The following CNTN5 variants were observed in gnomAD, a reference collection of about 807,000 sequenced individuals.
CNTN5 encodes contactin 5.
CNTN5 carries 77 observed loss-of-function variants against 129.1 expected under a neutral mutation model. The observed-to-expected ratio is 0.60, with a 90% CI of 0.50 to 0.72. CNTN5 has a LOEUF of 0.72. Among genes scored for constraint, CNTN5 ranks in the 30% least tolerant of loss-of-function variants. The pLI, the probability that CNTN5 is intolerant of heterozygous loss-of-function variation, is 0.00. For missense variants in CNTN5, 1,478 were observed against 1,328.8 expected, an observed-to-expected ratio of 1.11 and a Z score of -1.75; for synonymous variants, 509 against 465.6, an observed-to-expected ratio of 1.09 and a Z score of -1.20.
intron 9 of CNTN5, among the ~76,000 whole-genome samples, chr11:100,038,672 T>C (rs1180209968): frequency 2.0e-5 from 3 of 152,046 alleles, no homozygotes; most frequent in Admixed American, 6.5e-5. Context: ...TGCATATATA[T>C]TTAGGATAGT....
At chr11:99,532,051 C>T (rs960113440) in intron 2 of CNTN5, among the ~76,000 whole-genome samples, 3 of 152,014 alleles carry the variant, frequency 2.0e-5, no homozygotes, top group Non-Finnish European at 4.4e-5. Context: ...ACAGCTTGCC[C>T]CGTGTGCCTG....
At chr11:99,299,241 T>A (rs1399855747) in intron 1 of CNTN5, among the ~76,000 whole-genome samples, 2 of 152,094 alleles carry the variant, frequency 1.3e-5, no homozygotes, top group African/African-American at 4.8e-5. Flanking sequence ...AGACTTTAAA[T>A]CAGCTGTACT....
chr11:100,199,336 T>C (rs1948720691), intron 15 of CNTN5, among the ~76,000 whole-genome samples: 1 of 151,890 alleles, frequency 6.6e-6, no homozygotes, highest in African/African-American at 2.4e-5. Context: ...GGGCCTATCC[T>C]TTCTCATCAG....
chr11:100,152,594 T>C (rs1947104379), intron 13 of CNTN5, among the ~76,000 whole-genome samples: 2 of 152,140 alleles, frequency 1.3e-5, no homozygotes, highest in Non-Finnish European at 2.9e-5. Context: ...TGAAAATAAT[T>C]GACTTCTTAT....
intron 1 of CNTN5, among the ~76,000 whole-genome samples, chr11:99,037,481 A>G (rs779964965): frequency 6.6e-6 from 1 of 151,588 alleles, no homozygotes; most frequent in Non-Finnish European, 1.5e-5. Flanking sequence ...TACTACCAAA[A>G]CCTATCATTA....
chr11:99,446,018 A>C (rs919288615), intron 2 of CNTN5, among the ~76,000 whole-genome samples: 3 of 148,122 alleles, frequency 2.0e-5, no homozygotes, highest in African/African-American at 5.0e-5. Context: ...TAGGAGGCGG[A>C]GGTTGCAGTG....
At chr11:99,748,992 G>C (rs1944147563) in intron 3 of CNTN5, among the ~76,000 whole-genome samples, 1 of 152,104 alleles carries the variant, frequency 6.6e-6, no homozygotes, top group African/African-American at 2.4e-5. Flanking sequence ...GGTTTCTTCA[G>C]ATTTTCCATT....
At chr11:100,190,783 C>T (rs1224300660) in intron 13 of CNTN5, among the ~76,000 whole-genome samples, 2 of 150,518 alleles carry the variant, frequency 1.3e-5, no homozygotes, top group African/African-American at 4.9e-5. Flanking sequence ...AGGTGAAATA[C>T]TCAAGCTTAA....
At chr11:99,785,203 T>A (rs1259607408) in intron 3 of CNTN5, among the ~76,000 whole-genome samples, 2 of 152,168 alleles carry the variant, frequency 1.3e-5, no homozygotes, top group Non-Finnish European at 2.9e-5. Context: ...ATAAATGTCT[T>A]CTTTTGAGAA....
At chr11:100,280,531 AAT>A (rs1484628052) in intron 18 of CNTN5, among the ~76,000 whole-genome samples, 1 of 151,976 alleles carries the variant, frequency 6.6e-6, no homozygotes, top group Non-Finnish European at 1.5e-5. Context: ...ACTGGCATGA[AAT>A]ATGTTTTTCT....
At chr11:99,416,537 T>A (rs973176166) in intron 2 of CNTN5, among the ~76,000 whole-genome samples, 1 of 152,130 alleles carries the variant, frequency 6.6e-6, no homozygotes, top group African/African-American at 2.4e-5. Context: ...ACCTCCTGCT[T>A]AATCTCCCAA....
chr11:99,421,146 T>C (rs1284888029), intron 2 of CNTN5, among the ~76,000 whole-genome samples: 1 of 151,670 alleles, frequency 6.6e-6, no homozygotes, highest in Non-Finnish European at 1.5e-5. Context: ...GTTTTTTTTT[T>C]TTTTCCGCCT....
At chr11:100,317,918 A>G (rs1349221403) in intron 21 of CNTN5, among the ~76,000 whole-genome samples, 2 of 152,154 alleles carry the variant, frequency 1.3e-5, no homozygotes, top group Admixed American at 1.3e-4. Flanking sequence ...GGAACCAAAA[A>G]AGTATTGATG....
rs556136751 is a variant in CNTN5, at chr11:99,293,380, C to CT, written c.-209-31965dup. Among the ~76,000 whole-genome samples the CT allele has an allele frequency of 1.6e-4, 24 of 152,174 alleles. 1 individual carries two copies. The South Asian group carries it at 5.0e-3, about 32-fold the overall frequency. On this transcript the variant is annotated intron_variant, in intron 1 of 24. Transcript: ENST00000524871. ...ATCTATCTTCGTCAGGGATATTGGCCTGCAGTTTTCTTTTTTTGTTGTGCC... is the reference window on the plus strand; with the variant it reads ...ATCTATCTTCGTCAGGGATATTGGCCTTGCAGTTTTCTTTTTTTGTTGTGCC...
intron 8 of CNTN5, among the ~76,000 whole-genome samples, chr11:99,975,955 C>G (rs954689977): frequency 1.3e-5 from 2 of 152,156 alleles, no homozygotes; most frequent in African/African-American, 4.8e-5. Flanking sequence ...AAGGCACGTC[C>G]TTTCCACCTA....
chr11:99,982,175 A>G (rs1240509197), intron 8 of CNTN5, among the ~76,000 whole-genome samples: 1 of 152,216 alleles, frequency 6.6e-6, no homozygotes, highest in Admixed American at 6.5e-5. Context: ...GACTAAAGCT[A>G]TTTAGAAGAT....
chr11:99,439,569 G>A (rs113022964), intron 2 of CNTN5, among the ~76,000 whole-genome samples: 3 of 151,536 alleles, frequency 2.0e-5, no homozygotes, highest in East Asian at 1.9e-4. Context: ...TTAGCCTGGC[G>A]TGGTGGTGTG....
At chr11:99,531,830 G>GA (rs777581722) in intron 2 of CNTN5, among the ~76,000 whole-genome samples, 4 of 152,228 alleles carry the variant, frequency 2.6e-5, no homozygotes, top group Non-Finnish European at 5.9e-5. Flanking sequence ...GATTTCAGAA[G>GA]ATGTACAGAA....
chr11:100,178,296 C>A (rs73560688), intron 13 of CNTN5, among the ~76,000 whole-genome samples: 3,940 of 152,196 alleles, frequency 0.026, 167 homozygotes, highest in African/African-American at 0.09. Context: ...ACATACCATG[C>A]TCACTTTTGA....
Sources: gnomAD v4.1 joint callset for allele counts (sites outside exome capture counted in the v4.1 genomes callset) on GRCh38, gnomAD v4.1.1 for gene constraint, MANE v1.5 for transcripts, NCBI Gene and HGNC (gene_info 2026-07-23, HGNC 2026-07-21) for gene names.